Variants in SLC25A18 observed in about 807,000 individuals in gnomAD.
The protein encoded by SLC25A18 is solute carrier family 25 member 18.
SLC25A18 carries 24 observed loss-of-function variants against 31.1 expected under a neutral mutation model. The observed-to-expected ratio is 0.77, with a 90% confidence interval of 0.56 to 1.08. SLC25A18 has a LOEUF of 1.08. SLC25A18 is among the 50% of genes least tolerant of loss of function. The pLI is 0.00. For synonymous variants in SLC25A18, 173 were observed against 161.9 expected, an observed-to-expected ratio of 1.07 and a Z score of -0.52; for missense variants, 371 against 418.5, an observed-to-expected ratio of 0.89 and a Z score of 0.99.
Position 17,583,543 on chromosome 22 carries a change from T to C in SLC25A18, c.409+9T>C. On this transcript the variant is annotated intron_variant, in intron 7 of 10. Coordinates refer to ENST00000327451, the MANE Select transcript of SLC25A18 (RefSeq NM_031481.3). ...GGATGCTGGACGCCTGGGTGAGGCC[T>C]GTCCCCACCTCCTATGGGAACAGTA... The C allele has an allele frequency of 6.2e-7, 1 of 1,612,830 alleles. No individual in the cohort carries two copies. The highest frequency in any genetic ancestry group is 8.5e-7 in the Non-Finnish European group (1 of 1,179,896).
intron 7 of SLC25A18, among the ~76,000 whole-genome samples, chr22:17,585,722 C>G (rs1168613507): frequency 2.0e-5 from 3 of 149,864 alleles, no homozygotes; most frequent in East Asian, 3.9e-4. Context: ...TGTCTTGGCT[C>G]ACTACAACCT....
At chr22:17,581,444 G>A (rs767387732) in intron 5 of SLC25A18, 31 bp downstream of exon 5, 2 of 1,613,300 alleles carry the variant, frequency 1.2e-6, no homozygotes, top group Non-Finnish European at 1.7e-6. Flanking sequence ...GGGAGGCTGG[G>A]CAGCAGGTGT....
chr22:17,572,885 C>G (rs2057135313), intron 2 of SLC25A18, among the ~76,000 whole-genome samples: 1 of 152,060 alleles, frequency 6.6e-6, no homozygotes, highest in South Asian at 2.1e-4. Context: ...TCGTGATCCG[C>G]CCGCCTCGGC....
At chr22:17,586,798 G>T (rs2057561382) in intron 7 of SLC25A18, among the ~76,000 whole-genome samples, 1 of 152,144 alleles carries the variant, frequency 6.6e-6, no homozygotes, top group Non-Finnish European at 1.5e-5. Flanking sequence ...GCTGAGAAAT[G>T]GTTTAGAAAT....
chr22:17,577,109 G>A (rs948916218), intron 2 of SLC25A18, among the ~76,000 whole-genome samples: 46 of 152,214 alleles, frequency 3.0e-4, no homozygotes, highest in Non-Finnish European at 6.0e-4. Context: ...TGCAAGCTCC[G>A]CCTCCCGGGT....
In SLC25A18 at chr22:17,563,590, A is replaced by C. The variant is rs1195531325; in HGVS notation, c.-387A>C. On this transcript the variant is annotated 5_prime_UTR_variant, in exon 1 of 11. Transcript: ENST00000327451. Reference sequence around the variant, plus strand: ...AAAAGCAATGAAGCCAGTTCCTTGGATATATCCACGGGCTTTGCTTTGAGA... The same window carrying C: ...AAAAGCAATGAAGCCAGTTCCTTGGCTATATCCACGGGCTTTGCTTTGAGA... 1.2e-5 allele frequency: 10 copies of C among 836,098 alleles called. No individual in the cohort carries two copies. The highest frequency in any genetic ancestry group is 1.4e-5 in the Non-Finnish European group (10 of 693,670). 51.8% of individuals were successfully genotyped at this position (836,098 alleles called of 1,614,324 possible).
chr22:17,572,303 G>A (rs559615190), intron 2 of SLC25A18, among the ~76,000 whole-genome samples: 1 of 152,012 alleles, frequency 6.6e-6, no homozygotes, highest in East Asian at 2.0e-4. Flanking sequence ...GACCAACATG[G>A]AGAAACCACA....
chr22:17,581,524 G>C (rs2057373578), intron 5 of SLC25A18, 111 bp downstream of exon 5: 2 of 1,239,286 alleles, frequency 1.6e-6, no homozygotes, highest in East Asian at 2.3e-5. Context: ...CTGCCAGGGG[G>C]TCCTTCCTGA....
At chr22:17,580,011 G>A (rs200006471) in intron 3 of SLC25A18, 47 bp downstream of exon 3, 100 of 1,580,354 alleles carry the variant, frequency 6.3e-5, no homozygotes, top group African/African-American at 8.1e-5. Context: ...TGGGCCTGGC[G>A]GAGAGTCGCT....
chr22:17,590,407 C>A lies in SLC25A18; in HGVS notation c.*171C>A. On this transcript the variant is annotated 3_prime_UTR_variant, in exon 11 of 11. Transcript: ENST00000327451. ...CTATATTCTAACAAGTTGAGCACAG[C>A]CTTCTTCCCCTTCGTGTCTACACTC... 1 of 706,198 alleles carries A rather than the reference C, an allele frequency of 1.4e-6. No individual in the cohort carries two copies. Among genetic ancestry groups the A allele is most frequent in the Non-Finnish European group, 2.2e-6 (1 of 448,292 alleles). The allele number at this position is 706,198 out of a possible 1,614,324, so 43.7% of individuals were successfully genotyped here.
At chr22:17,567,273 C>T (rs543348439) in intron 1 of SLC25A18, among the ~76,000 whole-genome samples, 1 of 127,440 alleles carries the variant, frequency 7.8e-6, no homozygotes, top group Admixed American at 7.4e-5. Context: ...GATGAACAGG[C>T]AACACAGACA....
Position 17,589,566 on chromosome 22 carries a change from TACTTTA to T in SLC25A18, c.731-18_731-13del, listed in dbSNP as rs1487561493. On this transcript the variant is annotated intron_variant, in intron 9 of 10. Coordinates refer to ENST00000327451, the MANE Select transcript of SLC25A18 (RefSeq NM_031481.3). ...CACCGAAAGTAAGCTGTTCACTACT[TACTTTA>T]ACTTTTACTTGATTTAGTTCTGAAA... 13 of 1,607,548 alleles carry T rather than the reference TACTTTA, an allele frequency of 8.1e-6. No homozygotes were observed. Among genetic ancestry groups the T allele is most frequent in the Admixed American group, 5.0e-5 (3 of 59,542 alleles).
intron 7 of SLC25A18, among the ~76,000 whole-genome samples, chr22:17,584,957 A>G (rs2057501183): frequency 6.6e-6 from 1 of 151,872 alleles, no homozygotes; most frequent in African/African-American, 2.4e-5. Context: ...CCTTTCCTAA[A>G]TCCTGGTCCT....
intron 1 of SLC25A18, 35 bp from the exon 2 acceptor site, chr22:17,569,889 A>G: frequency 1.0e-6 from 1 of 985,650 alleles, no homozygotes; most frequent in Non-Finnish European, 1.2e-6. Flanking sequence ...AACCAGTCCA[A>G]GCTGGCTGAC....
At chr22:17,575,468 A>C (rs1249742806) in intron 2 of SLC25A18, among the ~76,000 whole-genome samples, 1 of 152,116 alleles carries the variant, frequency 6.6e-6, no homozygotes, top group Non-Finnish European at 1.5e-5. Context: ...TGCTTTATTT[A>C]TCTCTGTTTC....
At position 17,579,901 on chromosome 22, in the gene SLC25A18, A is replaced by G. The variant is rs1301854691; in HGVS notation, c.-44A>G. The G allele has an allele frequency of 6.2e-7, 1 of 1,601,108 alleles. No individual in the cohort carries two copies. On this transcript the variant is annotated 5_prime_UTR_variant, in exon 3 of 11. Transcript: ENST00000327451. ...GACAGCCCCAACAGCGGCTACCCCA[A>G]GGAGCCAGCAGCCTTGTGTCCTGGG...
At chr22:17,584,398 G>GAAAAGA (rs1297204669) in intron 7 of SLC25A18, among the ~76,000 whole-genome samples, 6 of 84,424 alleles carry the variant, frequency 7.1e-5, no homozygotes, top group African/African-American at 2.4e-4. Context: ...ATCTCAAAAA[G>GAAAAGA]AAAAGAAAGA....
At chr22:17,585,726 A>G (rs150511689) in intron 7 of SLC25A18, among the ~76,000 whole-genome samples, 3,718 of 149,506 alleles carry the variant, frequency 0.025, 141 homozygotes, top group African/African-American at 0.088. Flanking sequence ...TTGGCTCACT[A>G]CAACCTCTGC....
intron 3 of SLC25A18, chr22:17,580,214 T>C: frequency 2.4e-6 from 1 of 415,908 alleles, no homozygotes; most frequent in Non-Finnish European, 4.2e-6. Context: ...CAAAATTAAG[T>C]TTACAGTTCT....
Sources: allele counts gnomAD v4.1 joint callset (sites outside exome capture counted in the v4.1 genomes callset), GRCh38; gene constraint gnomAD v4.1.1; transcripts MANE v1.5; gene names NCBI Gene and HGNC (gene_info 2026-07-23, HGNC 2026-07-21).